The following TMC7 variants were observed in gnomAD, a reference collection of about 807,000 sequenced individuals.
The protein encoded by TMC7 is transmembrane channel like 7.
In TMC7, 54 loss-of-function variants were observed where a neutral mutation model predicts 82.9. That is an observed-to-expected ratio of 0.65 (90% CI 0.52 to 0.82). The LOEUF (loss-of-function observed/expected upper bound fraction) is 0.82. Ranked by LOEUF, TMC7 falls within the 40% of genes least tolerant of loss-of-function variation. TMC7 has a pLI of 0.00. For synonymous variants in TMC7, 350 were observed against 337.9 expected, an observed-to-expected ratio of 1.04 and a Z score of -0.39; for missense variants, 820 against 901.2, an observed-to-expected ratio of 0.91 and a Z score of 1.15.
chr16:19,006,434 T>G (rs2039242331), intron 1 of TMC7, among the ~76,000 whole-genome samples: 1 of 152,164 alleles, frequency 6.6e-6, no homozygotes, highest in South Asian at 2.1e-4. Flanking sequence ...TCCCCTTGCC[T>G]TGGCCTCCCA....
At chr16:19,014,740 G>A (rs976590072) in intron 2 of TMC7, among the ~76,000 whole-genome samples, 6 of 152,086 alleles carry the variant, frequency 3.9e-5, no homozygotes, top group African/African-American at 1.2e-4. Context: ...GTTGTTGGAC[G>A]TCAGCCTGTT....
In TMC7 at chr16:19,063,231, A is replaced by G. The variant is rs1272453633; in HGVS notation, c.*1388A>G. On this transcript the variant is annotated 3_prime_UTR_variant, in exon 16 of 16. Coordinates refer to ENST00000304381, the MANE Select transcript of TMC7 (RefSeq NM_024847.4). ...AACTGGTGTCATGGAATTTTGAGTAACCAAAGATTCATTCCAGTCTCACTT... is the reference window on the plus strand; with the variant it reads ...AACTGGTGTCATGGAATTTTGAGTAGCCAAAGATTCATTCCAGTCTCACTT... The G allele has an allele frequency of 2.0e-5, 3 of 152,148 alleles. No individual in the cohort carries two copies. The highest frequency in any genetic ancestry group is 4.8e-5 in the African/African-American group (2 of 41,450). 9.4% of individuals were successfully genotyped at this position (152,148 alleles called of 1,614,324 possible).
chr16:19,027,940 C>T (rs530010723), intron 5 of TMC7, among the ~76,000 whole-genome samples: 6 of 152,220 alleles, frequency 3.9e-5, no homozygotes, highest in African/African-American at 9.6e-5. Context: ...AAATATCCCT[C>T]CCCAGAGGTC....
intron 1 of TMC7, among the ~76,000 whole-genome samples, chr16:19,004,066 G>A (rs1033809001): frequency 1.3e-5 from 2 of 151,178 alleles, no homozygotes; most frequent in Non-Finnish European, 2.9e-5. Flanking sequence ...AAAATACCAG[G>A]GCAAGTGAAG....
chr16:19,019,994 G>A (rs1465720654), intron 3 of TMC7, among the ~76,000 whole-genome samples: 1 of 152,124 alleles, frequency 6.6e-6, no homozygotes, highest in African/African-American at 2.4e-5. Flanking sequence ...TTGCTCTTCA[G>A]AATGCTTTCT....
chr16:19,053,849 C>CT (rs35024702), intron 13 of TMC7, among the ~76,000 whole-genome samples: 75 of 138,030 alleles, frequency 5.4e-4, no homozygotes, highest in East Asian at 1.9e-3. Context: ...TCTTTTCTTT[C>CT]TTTTTTTTTT....
Position 19,063,802 on chromosome 16 carries a change from T to C in TMC7, c.*1959T>C, listed in dbSNP as rs1462747030. ...TTTAGTTAAATGCTGCTAATATGCA[T>C]ACCTCTTACTTGAAGGTTTTTAATA... On this transcript the variant is annotated 3_prime_UTR_variant, in exon 16 of 16. Transcript: ENST00000304381. 1 of 152,160 alleles carries C rather than the reference T, an allele frequency of 6.6e-6. No individual in the cohort carries two copies. Among genetic ancestry groups the C allele is most frequent in the Non-Finnish European group, 1.5e-5 (1 of 68,036 alleles). 9.4% of individuals were successfully genotyped at this position (152,160 alleles called of 1,614,324 possible).
At chr16:18,990,633 G>T (rs188219707) in intron 1 of TMC7, among the ~76,000 whole-genome samples, 275 of 152,314 alleles carry the variant, frequency 1.8e-3, no homozygotes, top group Admixed American at 5.2e-3. Context: ...GTCAGCAAAG[G>T]GTGGTGGGAT....
chr16:19,040,115 CAAAAAAAA>C (rs55719597), intron 8 of TMC7, among the ~76,000 whole-genome samples, 166 bp from the exon 9 acceptor site: 1 of 67,086 alleles, frequency 1.5e-5, no homozygotes, highest in African/African-American at 6.3e-5. Context: ...GACTCCATCT[CAAAAAAAA>C]AAAAAAAAAA....
chr16:18,986,049 G>C (rs536600337), intron 1 of TMC7, among the ~76,000 whole-genome samples: 2 of 150,628 alleles, frequency 1.3e-5, no homozygotes, highest in Non-Finnish European at 3.0e-5. Context: ...AAAAAGAAGA[G>C]GTATGTATCC....
At chr16:19,001,292 T>C (rs1265080835) in intron 1 of TMC7, among the ~76,000 whole-genome samples, 1 of 152,216 alleles carries the variant, frequency 6.6e-6, no homozygotes, top group African/African-American at 2.4e-5. Flanking sequence ...GGCTCTGTGC[T>C]AGACCCTGGT....
chr16:18,985,021 G>A (rs1220730680), intron 1 of TMC7, among the ~76,000 whole-genome samples: 1 of 152,188 alleles, frequency 6.6e-6, no homozygotes, highest in Non-Finnish European at 1.5e-5. Flanking sequence ...CAGCACTTTG[G>A]GAGGCTGAGG....
intron 2 of TMC7, among the ~76,000 whole-genome samples, chr16:19,014,920 A>G (rs1337068151): frequency 5.3e-5 from 8 of 151,936 alleles, no homozygotes; most frequent in Non-Finnish European, 1.2e-4. Flanking sequence ...GTCACAAAAT[A>G]TTATTTTTCT....
At chr16:19,024,920 G>A (rs1960151388) in intron 5 of TMC7, among the ~76,000 whole-genome samples, 2 of 151,958 alleles carry the variant, frequency 1.3e-5, no homozygotes, top group Admixed American at 1.3e-4. Flanking sequence ...GCAGGAGAAT[G>A]ATGTGAACCC....
chr16:19,050,366 CAAAAAAAA>C (rs71143824), intron 12 of TMC7, among the ~76,000 whole-genome samples: 2 of 83,048 alleles, frequency 2.4e-5, no homozygotes, highest in Non-Finnish European at 4.2e-5. Context: ...GATTCCGTCT[CAAAAAAAA>C]AAAAAAAAAA....
intron 12 of TMC7, among the ~76,000 whole-genome samples, chr16:19,051,431 T>C (rs1178208169): frequency 7.6e-6 from 1 of 132,280 alleles, no homozygotes; most frequent in East Asian, 2.7e-4. Context: ...GTCCCCGGTG[T>C]GTGATGTTCC....
intron 5 of TMC7, among the ~76,000 whole-genome samples, chr16:19,027,576 C>T (rs1417112033): frequency 5.3e-5 from 8 of 152,134 alleles, no homozygotes; most frequent in Non-Finnish European, 4.4e-5. Flanking sequence ...GCCGACCTTT[C>T]CCCTGTAATT....
chr16:19,020,746 G>A (rs1351073707), intron 3 of TMC7, among the ~76,000 whole-genome samples: 1 of 151,818 alleles, frequency 6.6e-6, no homozygotes, highest in Non-Finnish European at 1.5e-5. Flanking sequence ...CTCAGCCTCG[G>A]GAGGCTAAGG....
At chr16:19,009,961 GTTTC>G (rs913733740) in intron 2 of TMC7, among the ~76,000 whole-genome samples, 11 of 145,542 alleles carry the variant, frequency 7.6e-5, no homozygotes, top group African/African-American at 1.0e-4. Flanking sequence ...AAAAAAAGAA[GTTTC>G]TTTCTTTCTT....
Sources: allele counts gnomAD v4.1 joint callset (sites outside exome capture counted in the v4.1 genomes callset), GRCh38; gene constraint gnomAD v4.1.1; transcripts MANE v1.5; gene names NCBI Gene and HGNC (gene_info 2026-07-23, HGNC 2026-07-21).